The following TRPC4AP variants were observed in gnomAD, a reference collection of about 807,000 sequenced individuals.
TRPC4AP encodes the protein short transient receptor potential channel 4-associated protein.
A neutral mutation model predicts 99.0 loss-of-function variants in TRPC4AP; 45 were observed. The ratio of observed to expected loss-of-function variants is 0.45; its 90% confidence interval spans 0.36 to 0.58. TRPC4AP has a LOEUF of 0.58. TRPC4AP is among the 20% of genes least tolerant of loss of function. The probability of loss-of-function intolerance (pLI) is 0.00; values close to 1 mark genes in which losing one functional copy is unlikely to be tolerated. For missense variants in TRPC4AP, 879 were observed against 985.3 expected (o/e 0.89, Z 1.44); for synonymous variants, 408 against 385.8 (o/e 1.06, Z -0.67).
chr20:35,055,000 A>G lies in TRPC4AP; in HGVS notation c.504T>C (p.Ser168=), dbSNP rs1467652837. 1 of 1,613,760 alleles carries G rather than the reference A, an allele frequency of 6.2e-7. No homozygotes were observed. Among genetic ancestry groups the G allele is most frequent in the East Asian group, 2.2e-5 (1 of 44,886 alleles). ...CACAGACACAGGTATTATACAGGAT[A>G]CTCAAGCAGTCCTTGGACATTTCAT... The part of the protein sequence containing the change: ...ISDEMSKDCL[S]ILYNTCVCTE... The change falls in exon 5 of 19, where the codon AGT becomes AGC. Residue 168 remains serine, a synonymous_variant. Coordinates refer to ENST00000252015, the MANE Select transcript of TRPC4AP (RefSeq NM_015638.3).
At chr20:35,011,079 C>T (rs1056434356) in intron 11 of TRPC4AP, among the ~76,000 whole-genome samples, 4 of 152,012 alleles carry the variant, frequency 2.6e-5, no homozygotes, top group Non-Finnish European at 4.4e-5. Context: ...GCCAACGTGG[C>T]GAAACCCCAT....
At chr20:35,030,651 G>A (rs1292166571) in intron 8 of TRPC4AP, among the ~76,000 whole-genome samples, 2 of 152,118 alleles carry the variant, frequency 1.3e-5, no homozygotes, top group East Asian at 1.9e-4. Context: ...CCGATTCCTA[G>A]GGATTCAAGT....
intron 7 of TRPC4AP, among the ~76,000 whole-genome samples, chr20:35,042,810 T>C (rs889978169): frequency 3.3e-5 from 5 of 152,200 alleles, no homozygotes; most frequent in Non-Finnish European, 7.3e-5. Flanking sequence ...GTGGGCTAGA[T>C]TGGTTAGAAT....
In TRPC4AP at chr20:35,005,807, T is replaced by C; in HGVS notation, c.1828-4A>G. 6 of 1,613,846 alleles carry C rather than the reference T, an allele frequency of 3.7e-6. No homozygotes were observed. Among genetic ancestry groups the C allele is most frequent in the Non-Finnish European group, 5.1e-6 (6 of 1,179,754 alleles). On this transcript the variant is annotated splice_region_variant and splice_polypyrimidine_tract_variant and intron_variant, in intron 15 of 18. Coordinates refer to ENST00000252015, the MANE Select transcript of TRPC4AP (RefSeq NM_015638.3). ...TCTGCTTCAGGAATACCTGGAACTATACAGAAACCAAGCTCACAGCAGGCA... is the reference window on the plus strand; with the variant it reads ...TCTGCTTCAGGAATACCTGGAACTACACAGAAACCAAGCTCACAGCAGGCA...
At chr20:35,031,938 C>T (rs563974231) in intron 8 of TRPC4AP, among the ~76,000 whole-genome samples, 2 of 152,140 alleles carry the variant, frequency 1.3e-5, no homozygotes, top group East Asian at 1.9e-4. Context: ...GTCACCCAGG[C>T]GCAACTGCAG....
intron 13 of TRPC4AP, among the ~76,000 whole-genome samples, 187 bp from the exon 14 acceptor site, chr20:35,007,827 C>A (rs1011409041): frequency 1.3e-5 from 2 of 152,208 alleles, no homozygotes; most frequent in African/African-American, 2.4e-5. Flanking sequence ...AGAGAGCCAG[C>A]TCAGTGGAGA....
At chr20:35,047,524 C>T (rs936696333) in intron 6 of TRPC4AP, among the ~76,000 whole-genome samples, 6 of 152,178 alleles carry the variant, frequency 3.9e-5, no homozygotes, top group Admixed American at 2.6e-4. Flanking sequence ...GGATCAGAGA[C>T]TTGGTTTCAG....
chr20:35,035,099 C>T (rs1426084899), intron 8 of TRPC4AP, 24 bp downstream of exon 8: 6 of 1,604,624 alleles, frequency 3.7e-6, no homozygotes, highest in Middle Eastern at 1.7e-4. Flanking sequence ...CTCCCGATCA[C>T]TCAGGGGACC....
chr20:35,031,932 C>G (rs1490006340), intron 8 of TRPC4AP, among the ~76,000 whole-genome samples: 1 of 152,132 alleles, frequency 6.6e-6, no homozygotes, highest in Non-Finnish European at 1.5e-5. Flanking sequence ...CACTTTGTCA[C>G]CCAGGCGCAA....
chr20:35,060,560 C>T (rs1451997268), intron 3 of TRPC4AP, among the ~76,000 whole-genome samples: 1 of 131,672 alleles, frequency 7.6e-6, no homozygotes, highest in Admixed American at 8.9e-5. Context: ...GCATTCCAGC[C>T]TGGGTGACAG....
chr20:35,046,065 G>A (rs1412827975), intron 6 of TRPC4AP, among the ~76,000 whole-genome samples: 1 of 152,164 alleles, frequency 6.6e-6, no homozygotes, highest in Non-Finnish European at 1.5e-5. Flanking sequence ...GTGTACACAT[G>A]TATGTGACCA....
intron 3 of TRPC4AP, among the ~76,000 whole-genome samples, chr20:35,059,181 C>G (rs1161395782): frequency 6.6e-6 from 1 of 151,512 alleles, no homozygotes; most frequent in African/African-American, 2.4e-5. Flanking sequence ...CTAGACTGAC[C>G]AAGAAAAAAG....
intron 6 of TRPC4AP, among the ~76,000 whole-genome samples, chr20:35,047,618 G>A (rs991679887): frequency 5.9e-5 from 9 of 152,158 alleles, no homozygotes; most frequent in African/African-American, 1.9e-4. Context: ...TGGGGCAGTG[G>A]CTTCTAAACT....
At chr20:35,065,830 T>G (rs1319641277) in intron 3 of TRPC4AP, among the ~76,000 whole-genome samples, 1 of 152,202 alleles carries the variant, frequency 6.6e-6, no homozygotes, top group Non-Finnish European at 1.5e-5. Context: ...TACATTATTA[T>G]TTTTCCTCCC....
intron 8 of TRPC4AP, among the ~76,000 whole-genome samples, chr20:35,029,352 G>C (rs906319207): frequency 2.6e-5 from 4 of 152,134 alleles, no homozygotes; most frequent in African/African-American, 9.7e-5. Context: ...TCTCTGAATT[G>C]AAAGTGTGTT....
chr20:35,013,140 G>C, intron 10 of TRPC4AP, 74 bp from the exon 11 acceptor site: 1 of 1,412,242 alleles, frequency 7.1e-7, no homozygotes, highest in Non-Finnish European at 1.0e-6. Flanking sequence ...AGACACTCTG[G>C]TGGGAGCCTG....
chr20:35,086,475 GTA>G (rs1555919360), intron 1 of TRPC4AP, among the ~76,000 whole-genome samples: 4,287 of 116,424 alleles, frequency 0.037, 522 homozygotes, highest in African/African-American at 0.13. Flanking sequence ...GTGTGTGTGT[GTA>G]TGTGTGTGTA....
At chr20:35,081,541 A>AAAAAT (rs913042187) in intron 1 of TRPC4AP, among the ~76,000 whole-genome samples, 10 of 151,802 alleles carry the variant, frequency 6.6e-5, no homozygotes, top group Non-Finnish European at 1.2e-4. Flanking sequence ...AAAATAAAAT[A>AAAAAT]AAAATAAAAT....
chr20:35,019,074 G>A (rs1286750143), intron 9 of TRPC4AP, among the ~76,000 whole-genome samples: 1 of 152,208 alleles, frequency 6.6e-6, no homozygotes, highest in Non-Finnish European at 1.5e-5. Flanking sequence ...GCCAAGATTG[G>A]TCTGAGAACT....
Sources: allele counts gnomAD v4.1 joint callset (sites outside exome capture counted in the v4.1 genomes callset), GRCh38; gene constraint gnomAD v4.1.1; transcripts MANE v1.5; gene names NCBI Gene and HGNC (gene_info 2026-07-23, HGNC 2026-07-21).